Variants in FLVCR2 observed in about 807,000 individuals in gnomAD.
FLVCR2 encodes choline/ethanolamine transporter FLVCR2.
FLVCR2 carries 38 observed loss-of-function variants against 48.9 expected under a neutral mutation model. The observed-to-expected ratio is 0.78, with a 90% CI of 0.60 to 1.02. The LOEUF (loss-of-function observed/expected upper bound fraction) is 1.02, where lower values mean the gene tolerates loss of function less well. Ranked by LOEUF, FLVCR2 falls within the 50% of genes least tolerant of loss-of-function variation. The probability of loss-of-function intolerance (pLI) is 0.00; values close to 1 mark genes in which losing one functional copy is unlikely to be tolerated. For missense variants in FLVCR2, 664 were observed against 663.3 expected, an observed-to-expected ratio of 1.00 and a Z score of -0.01; for synonymous variants, 255 against 257.0, an observed-to-expected ratio of 0.99 and a Z score of 0.07.
At chr14:75,602,060 A>G (rs1039559079) in intron 1 of FLVCR2, among the ~76,000 whole-genome samples, 2 of 152,180 alleles carry the variant, frequency 1.3e-5, no homozygotes, top group East Asian at 1.9e-4. Context: ...ACAACTCAGG[A>G]ACAGCCAAAT....
chr14:75,628,660 C>T (rs189633538), intron 3 of FLVCR2, among the ~76,000 whole-genome samples: 243 of 152,298 alleles, frequency 1.6e-3, no homozygotes, highest in Non-Finnish European at 1.7e-3. Context: ...GTGCTGGACT[C>T]GTAAGTTCAG....
chr14:75,619,695 T>C (rs757540944), intron 1 of FLVCR2, among the ~76,000 whole-genome samples: 48 of 152,236 alleles, frequency 3.2e-4, no homozygotes, highest in African/African-American at 9.9e-4. Context: ...CCATAGCCAA[T>C]TTCCTCCTTG....
chr14:75,585,341 G>A (rs1157295730), intron 1 of FLVCR2, among the ~76,000 whole-genome samples: 1 of 152,192 alleles, frequency 6.6e-6, no homozygotes. Flanking sequence ...GATCGAAAGT[G>A]CCATTCTCTG....
intron 1 of FLVCR2, among the ~76,000 whole-genome samples, chr14:75,620,069 C>T (rs576660356): frequency 6.9e-4 from 105 of 152,272 alleles, no homozygotes; most frequent in African/African-American, 2.5e-3. Flanking sequence ...CTGGGAGATT[C>T]TACTTAACTT....
At chr14:75,620,425 G>A (rs1030376309) in intron 1 of FLVCR2, among the ~76,000 whole-genome samples, 1 of 152,218 alleles carries the variant, frequency 6.6e-6, no homozygotes, top group African/African-American at 2.4e-5. Flanking sequence ...ACAAGTCACA[G>A]AGCTCAATTA....
At chr14:75,613,142 TTG>T (rs1287644620) in intron 1 of FLVCR2, among the ~76,000 whole-genome samples, 1 of 152,110 alleles carries the variant, frequency 6.6e-6, no homozygotes, top group Non-Finnish European at 1.5e-5. Flanking sequence ...GAGATGGAGC[TTG>T]TGTTAGTCCA....
intron 3 of FLVCR2, among the ~76,000 whole-genome samples, chr14:75,627,069 A>G (rs1307098622): frequency 6.6e-6 from 1 of 151,834 alleles, no homozygotes; most frequent in Non-Finnish European, 1.5e-5. Flanking sequence ...TACCAGAAAC[A>G]TTGTTGCTCC....
rs997542102 is a variant in FLVCR2, at chr14:75,625,444, T to C, written c.952+692T>C. On this transcript the variant is annotated intron_variant, in intron 3 of 9. Transcript: ENST00000238667. Reference sequence around the variant, plus strand: ...TCTTATTTCAAACCTGTAATAAGATTGTTGGATCGAACAAGGGCAAAGACA... The same window carrying C: ...TCTTATTTCAAACCTGTAATAAGATCGTTGGATCGAACAAGGGCAAAGACA... Among the ~76,000 whole-genome samples, 3 of 151,958 alleles carry C rather than the reference T, an allele frequency of 2.0e-5. 1 individual carries two copies. The highest frequency in any genetic ancestry group is 7.3e-5 in the African/African-American group (3 of 41,202).
At chr14:75,604,060 G>A (rs960183385) in intron 1 of FLVCR2, 13 of 152,256 alleles carry the variant, frequency 8.5e-5, no homozygotes, top group African/African-American at 2.7e-4. Context: ...AGATTCTCAT[G>A]CCTGGGTTGT....
chr14:75,605,461 C>A, intron 1 of FLVCR2: 1 of 1,501,078 alleles, frequency 6.7e-7, no homozygotes, highest in South Asian at 1.3e-5. Context: ...CCCAGCCAGA[C>A]ACTTCTGCTT....
At chr14:75,638,025 C>T (rs190706688) in intron 5 of FLVCR2, among the ~76,000 whole-genome samples, 189 of 152,138 alleles carry the variant, frequency 1.2e-3, no homozygotes, top group Middle Eastern at 3.4e-3. Flanking sequence ...AGGGAGTGGG[C>T]GAAGATAGAG....
intron 1 of FLVCR2, among the ~76,000 whole-genome samples, chr14:75,588,050 A>G (rs893534551): frequency 6.6e-6 from 1 of 152,268 alleles, no homozygotes; most frequent in Non-Finnish European, 1.5e-5. Context: ...TGCAAGTCAC[A>G]TGTAACTAAA....
At chr14:75,633,109 T>C (rs2140047436) in intron 3 of FLVCR2, among the ~76,000 whole-genome samples, 1 of 152,364 alleles carries the variant, frequency 6.6e-6, no homozygotes. Context: ...GGATCTCTTC[T>C]AGTTTCATGT....
intron 1 of FLVCR2, among the ~76,000 whole-genome samples, chr14:75,585,754 C>T (rs956134749): frequency 1.3e-5 from 2 of 152,150 alleles, no homozygotes; most frequent in African/African-American, 4.8e-5. Context: ...GCTGCCTTCC[C>T]GAGTCCATGA....
At chr14:75,584,111 G>T (rs1018103574) in intron 1 of FLVCR2, among the ~76,000 whole-genome samples, 6 of 152,226 alleles carry the variant, frequency 3.9e-5, no homozygotes, top group Non-Finnish European at 8.8e-5. Flanking sequence ...GCATTCTGAG[G>T]CCCAGTGGCC....
Position 75,622,138 on chromosome 14 carries a change from G to A in FLVCR2, c.729G>A (p.Arg243=). The A allele has an allele frequency of 6.2e-7, 1 of 1,614,012 alleles. No individual in the cohort carries two copies. Reference sequence around the variant, plus strand: ...TTTTGGTACCCAACATTGAAGACCGGGACGAGCTTGCCTACCACATCAGCA... The same window carrying A: ...TTTTGGTACCCAACATTGAAGACCGAGACGAGCTTGCCTACCACATCAGCA... ...PPVLVPNIED[R]DELAYHISIM... The change falls in exon 2 of 10, where the codon CGG becomes CGA. Residue 243 remains arginine, a synonymous_variant. Coordinates refer to ENST00000238667, the MANE Select transcript of FLVCR2 (RefSeq NM_017791.3).
chr14:75,593,577 G>A (rs150104011), intron 1 of FLVCR2, among the ~76,000 whole-genome samples: 1 of 152,212 alleles, frequency 6.6e-6, no homozygotes, highest in East Asian at 1.9e-4. Context: ...GAGATCAGCT[G>A]GTGGAGGATC....
intron 1 of FLVCR2, among the ~76,000 whole-genome samples, chr14:75,611,745 C>CAAAA (rs1390462407): frequency 3.3e-4 from 50 of 152,134 alleles, no homozygotes; most frequent in African/African-American, 1.2e-3. Flanking sequence ...CACAAACAAA[C>CAAAA]AAACAAACAA....
At chr14:75,590,449 T>G (rs1888854053) in intron 1 of FLVCR2, among the ~76,000 whole-genome samples, 1 of 152,212 alleles carries the variant, frequency 6.6e-6, no homozygotes, top group Non-Finnish European at 1.5e-5. Context: ...CAAAATACAG[T>G]CATTCCATCT....
Sources: gnomAD v4.1 joint callset for allele counts (sites outside exome capture counted in the v4.1 genomes callset) on GRCh38, gnomAD v4.1.1 for gene constraint, MANE v1.5 for transcripts, NCBI Gene and HGNC (gene_info 2026-07-23, HGNC 2026-07-21) for gene names.